The following ERG variants were observed in gnomAD, a reference collection of about 807,000 sequenced individuals.
The protein encoded by ERG is ETS transcription factor ERG, also known as transcriptional regulator ERG.
Under a neutral mutation model 55.3 loss-of-function variants are expected in ERG, and 9 were observed. The observed-to-expected ratio is 0.16, with a 90% confidence interval of 0.10 to 0.28. ERG has a LOEUF of 0.28. Among genes scored for constraint, ERG ranks in the 10% least tolerant of loss-of-function variants. The pLI, the probability that ERG is intolerant of heterozygous loss-of-function variation, is 1.00. For synonymous variants in ERG, 223 were observed against 237.3 expected, an observed-to-expected ratio of 0.94 and a Z score of 0.55; for missense variants, 434 against 631.6, an observed-to-expected ratio of 0.69 and a Z score of 3.35.
upstream of ERG, among the ~76,000 whole-genome samples, chr21:38,588,875 A>G (rs2060082957): frequency 6.8e-6 from 1 of 147,016 alleles, no homozygotes; most frequent in Non-Finnish European, 1.5e-5. Context: ...AGAGTCATGC[A>G]CCACCATGCC....
intron 3 of ERG, among the ~76,000 whole-genome samples, chr21:38,406,307 ATGT>A (rs1177102964): frequency 2.0e-5 from 3 of 152,316 alleles, no homozygotes; most frequent in Non-Finnish European, 4.4e-5. Context: ...ACTTGGAAAC[ATGT>A]TGTTAGTCTG....
chr21:38,518,228 G>A (rs953422441), intron 2 of ERG, among the ~76,000 whole-genome samples: 1 of 143,332 alleles, frequency 7.0e-6, no homozygotes, highest in Admixed American at 7.4e-5. Context: ...ATAACTATGT[G>A]TGTGTGTGTA....
At chr21:38,479,491 T>C (rs2059217897) in intron 1 of ERG, among the ~76,000 whole-genome samples, 1 of 152,158 alleles carries the variant, frequency 6.6e-6, no homozygotes, top group African/African-American at 2.4e-5. Flanking sequence ...AGATCATAGA[T>C]TAGGGTAGGT....
At chr21:38,420,112 C>A (rs1282316860) in intron 3 of ERG, among the ~76,000 whole-genome samples, 2 of 151,426 alleles carry the variant, frequency 1.3e-5, no homozygotes, top group African/African-American at 4.9e-5. Context: ...TCTATGTGAA[C>A]CACTCAGGAC....
chr21:38,513,052 A>AC (rs1366210026), intron 2 of ERG, among the ~76,000 whole-genome samples: 1 of 151,874 alleles, frequency 6.6e-6, no homozygotes, highest in African/African-American at 2.4e-5. Context: ...AATCGCTTGA[A>AC]CCAGGGAGTC....
intron 3 of ERG, among the ~76,000 whole-genome samples, chr21:38,421,144 C>T (rs561053241): frequency 2.0e-5 from 3 of 152,258 alleles, no homozygotes; most frequent in Admixed American, 6.5e-5. Flanking sequence ...CAGGAACAGC[C>T]CCCTGTTCTG....
At chr21:38,573,322 G>A (rs1240798677) in intron 2 of ERG, among the ~76,000 whole-genome samples, 2 of 152,194 alleles carry the variant, frequency 1.3e-5, no homozygotes, top group African/African-American at 2.4e-5. Flanking sequence ...GTGCTGAGGT[G>A]GATTAGTAAA....
intron 1 of ERG, among the ~76,000 whole-genome samples, chr21:38,606,374 G>C (rs2146920271): frequency 6.6e-6 from 1 of 152,230 alleles, no homozygotes; most frequent in South Asian, 2.1e-4. Flanking sequence ...CTAGGGCTCT[G>C]GCAGAAGCAA....
intron 1 of ERG, among the ~76,000 whole-genome samples, chr21:38,495,246 A>G (rs1222137015): frequency 1.3e-5 from 2 of 152,262 alleles, no homozygotes; most frequent in Non-Finnish European, 1.5e-5. Context: ...AAATGTGCAG[A>G]CGTGGCGTAT....
At chr21:38,619,078 T>C (rs1427872870) in intron 1 of ERG, among the ~76,000 whole-genome samples, 1 of 152,146 alleles carries the variant, frequency 6.6e-6, no homozygotes, top group Non-Finnish European at 1.5e-5. Context: ...CCAACAGTCA[T>C]TGTGACCTAC....
intron 2 of ERG, among the ~76,000 whole-genome samples, chr21:38,524,388 C>T (rs1951054786): frequency 6.6e-6 from 1 of 152,198 alleles, no homozygotes; most frequent in African/African-American, 2.4e-5. Flanking sequence ...CCATGGCTCA[C>T]TGTGGAAAAA....
chr21:38,442,089 A>G lies in ERG; in HGVS notation c.236+3315T>C, dbSNP rs114173549. 6.2e-3 allele frequency among the ~76,000 whole-genome samples: 939 copies of G among 152,328 alleles called. 11 individuals carry two copies. The highest frequency in any genetic ancestry group is 0.021 in the African/African-American group (879 of 41,568). Reference sequence around the variant, plus strand: ...TATGAGCCCTGAGAGAGGAACTCTTAAAGTTCCCATTGTTTCCTTGAAAGA... The same window carrying G: ...TATGAGCCCTGAGAGAGGAACTCTTGAAGTTCCCATTGTTTCCTTGAAAGA... On this transcript the variant is annotated intron_variant, in intron 2 of 9. Coordinates refer to ENST00000288319, the MANE Select transcript of ERG (RefSeq NM_182918.4).
chr21:38,631,388 G>A (rs999683588), intron 1 of ERG, among the ~76,000 whole-genome samples: 1 of 152,146 alleles, frequency 6.6e-6, no homozygotes, highest in African/African-American at 2.4e-5. Flanking sequence ...GGAAGAATCA[G>A]TAACACTAAA....
chr21:38,582,719 T>C (rs2060037719), intron 1 of ERG, among the ~76,000 whole-genome samples: 1 of 152,122 alleles, frequency 6.6e-6, no homozygotes, highest in Admixed American at 6.5e-5. Flanking sequence ...ATATTTCAAA[T>C]GGACGATTTT....
intron 1 of ERG, among the ~76,000 whole-genome samples, chr21:38,472,903 A>G (rs1217232018): frequency 6.6e-6 from 1 of 152,066 alleles, no homozygotes; most frequent in Non-Finnish European, 1.5e-5. Flanking sequence ...CATTTCAAGG[A>G]GCCCCAGCAG....
chr21:38,392,610 T>A (rs1988027865), intron 6 of ERG, among the ~76,000 whole-genome samples, 166 bp from the exon 7 acceptor site: 1 of 152,218 alleles, frequency 6.6e-6, no homozygotes. Flanking sequence ...CAAATTAAAA[T>A]TTCATATATT....
chr21:38,511,079 G>C (rs1259050792), intron 2 of ERG, among the ~76,000 whole-genome samples: 1 of 152,200 alleles, frequency 6.6e-6, no homozygotes, highest in African/African-American at 2.4e-5. Context: ...GGTTTAGTGT[G>C]AAGGAGTTAG....
intron 2 of ERG, among the ~76,000 whole-genome samples, chr21:38,561,164 T>C (rs1032496483): frequency 1.3e-5 from 2 of 152,348 alleles, no homozygotes; most frequent in South Asian, 2.1e-4. Context: ...TAAATCCTTT[T>C]ATTGGATATA....
chr21:38,397,715 G>A (rs1401296465), intron 6 of ERG, among the ~76,000 whole-genome samples: 1 of 152,018 alleles, frequency 6.6e-6, no homozygotes, highest in African/African-American at 2.4e-5. Context: ...GAAGGGTGGT[G>A]AGGAAGTGCT....
Sources: gnomAD v4.1 joint callset for allele counts (sites outside exome capture counted in the v4.1 genomes callset) on GRCh38, gnomAD v4.1.1 for gene constraint, MANE v1.5 for transcripts, NCBI Gene and HGNC (gene_info 2026-07-23, HGNC 2026-07-21) for gene names.